Variants in VIT observed in about 807,000 individuals in gnomAD.
The protein encoded by VIT is vitrin.
VIT carries 99 observed loss-of-function variants against 78.0 expected under a neutral mutation model. The observed-to-expected ratio is 1.27, with a 90% confidence interval of 1.08 to 1.50. The LOEUF is 1.50. VIT is among the 40% of genes most tolerant of loss of function. The probability of loss-of-function intolerance (pLI) is 0.00; values close to 1 mark genes in which losing one functional copy is unlikely to be tolerated. For missense variants in VIT, 1,126 were observed against 875.3 expected, an observed-to-expected ratio of 1.29 and a Z score of -3.61; for synonymous variants, 374 against 334.3, an observed-to-expected ratio of 1.12 and a Z score of -1.29.
chr2:36,760,520 C>A (rs145693333), intron 6 of VIT, among the ~76,000 whole-genome samples: 2 of 152,130 alleles, frequency 1.3e-5, no homozygotes, highest in African/African-American at 2.4e-5. Flanking sequence ...GGGTCTGGTG[C>A]CTCGTGGGCC....
chr2:36,729,622 T>C, intron 3 of VIT, 131 bp downstream of exon 3: 2 of 872,256 alleles, frequency 2.3e-6, no homozygotes, highest in Admixed American at 5.3e-5. Context: ...CCACTCAGAT[T>C]AATTAGTGAT....
At position 36,712,220 on chromosome 2, in the gene VIT, T is replaced by A. The variant is rs74646348; in HGVS notation, c.-18-4133T>A. Among the ~76,000 whole-genome samples, 139 of 152,180 alleles carry A rather than the reference T, an allele frequency of 9.1e-4. No homozygotes were observed. In the Middle Eastern group the frequency reaches 0.01, roughly 11 times the overall value. ...CTTGAGTAAACAGACCAAGCAAGCG[T>A]AGAAATTGCAGCGGTGAGAAAGAAA... is the stretch of plus-strand genomic sequence containing the variant. On this transcript the variant is annotated intron_variant, in intron 1 of 15. Coordinates refer to ENST00000379242, the MANE Select transcript of VIT (RefSeq NM_053276.4).
intron 4 of VIT, among the ~76,000 whole-genome samples, chr2:36,753,589 G>C (rs1212521846): frequency 3.3e-5 from 5 of 152,204 alleles, no homozygotes; most frequent in Non-Finnish European, 7.3e-5. Flanking sequence ...GCAAAGTCAT[G>C]TCAGAATCTC....
intron 1 of VIT, among the ~76,000 whole-genome samples, chr2:36,701,068 C>T (rs1363197687): frequency 1.3e-5 from 2 of 148,808 alleles, no homozygotes; most frequent in Non-Finnish European, 2.9e-5. Context: ...CTTTGCCATC[C>T]CTGAAAACAT....
intron 4 of VIT, among the ~76,000 whole-genome samples, chr2:36,745,924 C>T (rs6749065): frequency 0.97 from 148,017 of 152,308 alleles, 72,068 homozygotes; most frequent in Middle Eastern, 1. Flanking sequence ...CCATTCAGTA[C>T]GATGTTGGCT....
rs563400693 is a variant in VIT, at chr2:36,708,617, C to T, written c.-18-7736C>T. On this transcript the variant is annotated intron_variant, in intron 1 of 15. Transcript: ENST00000379242. The stretch of plus-strand genomic sequence containing the variant: ...TGGCCCTTCATCCCTCTCTGACAGT[C>T]TGATTCCTCTCCCAGCCTGGCTGAA... 6.6e-5 allele frequency among the ~76,000 whole-genome samples: 10 copies of T among 152,310 alleles called. No individual in the cohort carries two copies. The South Asian group carries it at 2.1e-3, about 32-fold the overall frequency.
chr2:36,737,284 G>A (rs1280007631), intron 3 of VIT, among the ~76,000 whole-genome samples: 1 of 152,182 alleles, frequency 6.6e-6, no homozygotes, highest in African/African-American at 2.4e-5. Flanking sequence ...TTGGGTTTAA[G>A]CACTGAGGAG....
At chr2:36,767,433 C>A in intron 7 of VIT, 148 bp downstream of exon 7, 1 of 772,808 alleles carries the variant, frequency 1.3e-6, no homozygotes, top group East Asian at 3.4e-5. Context: ...TGTCCTCCTC[C>A]TAGATTCAAG....
chr2:36,710,531 G>T (rs1665737120), intron 1 of VIT, among the ~76,000 whole-genome samples: 1 of 151,932 alleles, frequency 6.6e-6, no homozygotes, highest in Non-Finnish European at 1.5e-5. Context: ...TTTTACTTCT[G>T]CCCTTATGTC....
At chr2:36,711,150 T>G (rs1429426397) in intron 1 of VIT, among the ~76,000 whole-genome samples, 1 of 152,340 alleles carries the variant, frequency 6.6e-6, no homozygotes, top group South Asian at 2.1e-4. Context: ...CCCAATGGAC[T>G]TGCTCTAATT....
At chr2:36,740,863 C>T (rs950208715) in intron 3 of VIT, among the ~76,000 whole-genome samples, 1 of 152,150 alleles carries the variant, frequency 6.6e-6, no homozygotes, top group Non-Finnish European at 1.5e-5. Context: ...GTAATATGTG[C>T]ACCCAGAAGT....
At chr2:36,753,063 G>A (rs1231107142) in intron 4 of VIT, among the ~76,000 whole-genome samples, 31 of 152,144 alleles carry the variant, frequency 2.0e-4, no homozygotes, top group Admixed American at 2.0e-3. Context: ...GCAGGGACAT[G>A]GATTAAATTG....
intron 2 of VIT, among the ~76,000 whole-genome samples, chr2:36,724,058 G>A (rs1169616498): frequency 2.0e-5 from 3 of 149,816 alleles, no homozygotes; most frequent in East Asian, 3.9e-4. Flanking sequence ...CACTCTTGTT[G>A]CCCAGGCTGG....
intron 4 of VIT, among the ~76,000 whole-genome samples, chr2:36,747,731 G>A (rs779372533): frequency 3.9e-5 from 6 of 152,110 alleles, no homozygotes; most frequent in Non-Finnish European, 8.8e-5. Flanking sequence ...CTTTTAATTG[G>A]AGCATTTAGA....
At position 36,788,434 on chromosome 2, in the gene VIT, C is replaced by T. The variant is rs900668035; in HGVS notation, c.1058+1158C>T. Among the ~76,000 whole-genome samples, 15 of 152,180 alleles carry T rather than the reference C, an allele frequency of 9.9e-5. 1 individual carries two copies. Among genetic ancestry groups the T allele is most frequent in the Admixed American group, 6.5e-5 (1 of 15,272 alleles). ...TTTTTAGAATTTAATTCCGATAACA[C>T]ATTTGATACTACCTTCTATTCCTGT... On this transcript the variant is annotated intron_variant, in intron 12 of 15. Coordinates refer to ENST00000379242, the MANE Select transcript of VIT (RefSeq NM_053276.4).
chr2:36,814,168 C>A lies in VIT; in HGVS notation c.1904-15C>A. ...TACTTGGGGACATTTGTTCATCTAACCTTTGTCCCCACAGGAGTGATCACC... is the reference window on the plus strand; with the variant it reads ...TACTTGGGGACATTTGTTCATCTAAACTTTGTCCCCACAGGAGTGATCACC... On this transcript the variant is annotated splice_polypyrimidine_tract_variant and intron_variant, in intron 15 of 15. Coordinates refer to ENST00000379242, the MANE Select transcript of VIT (RefSeq NM_053276.4). The A allele has an allele frequency of 6.2e-7, 1 of 1,612,590 alleles. No individual in the cohort carries two copies. The highest frequency in any genetic ancestry group is 8.5e-7 in the Non-Finnish European group (1 of 1,178,892).
intron 2 of VIT, among the ~76,000 whole-genome samples, chr2:36,720,992 A>T (rs1282027909): frequency 6.6e-6 from 1 of 150,876 alleles, no homozygotes. Flanking sequence ...CCCGGGCAAC[A>T]ACAGCGAGAC....
intron 1 of VIT, among the ~76,000 whole-genome samples, chr2:36,701,105 T>TAAAAA (rs10650621): frequency 2.0e-5 from 3 of 150,178 alleles, no homozygotes; most frequent in African/African-American, 7.4e-5. Context: ...GAAATTTCTT[T>TAAAAA]AAAAAAAAAA....
intron 14 of VIT, 41 bp downstream of exon 14, chr2:36,805,705 C>G: frequency 1.9e-6 from 3 of 1,584,862 alleles, no homozygotes; most frequent in East Asian, 4.5e-5. Flanking sequence ...TCAGGATTTT[C>G]TGCACTCTGA....
Sources: gnomAD v4.1 joint callset for allele counts (sites outside exome capture counted in the v4.1 genomes callset) on GRCh38, gnomAD v4.1.1 for gene constraint, MANE v1.5 for transcripts, NCBI Gene and HGNC (gene_info 2026-07-23, HGNC 2026-07-21) for gene names.